The following ST8SIA6 variants were observed in gnomAD, a reference collection of about 807,000 sequenced individuals.
The protein encoded by ST8SIA6 is alpha-2,8-sialyltransferase 8F.
Under a neutral mutation model 33.6 loss-of-function variants are expected in ST8SIA6, and 39 were observed. The observed-to-expected ratio is 1.16, with a 90% confidence interval of 0.90 to 1.52. The LOEUF (loss-of-function observed/expected upper bound fraction) is 1.52. ST8SIA6 is among the 40% of genes most tolerant of loss of function. ST8SIA6 has a pLI of 0.00. For synonymous variants in ST8SIA6, 172 were observed against 167.2 expected (o/e 1.03, Z -0.22); for missense variants, 441 against 443.8 (o/e 0.99, Z 0.06).
intron 2 of ST8SIA6, among the ~76,000 whole-genome samples, chr10:17,420,198 G>T (rs996288919): frequency 7.2e-5 from 11 of 152,192 alleles, no homozygotes; most frequent in Non-Finnish European, 1.5e-4. Context: ...CGGATCACGA[G>T]GTCAGGAGAT....
intron 3 of ST8SIA6, among the ~76,000 whole-genome samples, chr10:17,368,081 A>G (rs1437079011): frequency 6.6e-6 from 1 of 152,040 alleles, no homozygotes; most frequent in Non-Finnish European, 1.5e-5. Flanking sequence ...ATGCATCAGT[A>G]ATAACCAACA....
At chr10:17,432,274 A>C (rs894060541) in intron 2 of ST8SIA6, among the ~76,000 whole-genome samples, 1 of 152,180 alleles carries the variant, frequency 6.6e-6, no homozygotes, top group Non-Finnish European at 1.5e-5. Context: ...TGAACTGAGG[A>C]GTCACTGGAG....
At chr10:17,390,340 C>T (rs925352141) in intron 3 of ST8SIA6, among the ~76,000 whole-genome samples, 191 bp downstream of exon 3, 16 of 152,116 alleles carry the variant, frequency 1.1e-4, no homozygotes, top group African/African-American at 3.4e-4. Flanking sequence ...AGTCCCACTG[C>T]CAGGGTCTGA....
At chr10:17,336,385 G>T (rs1362563981) in intron 4 of ST8SIA6, among the ~76,000 whole-genome samples, 1 of 152,024 alleles carries the variant, frequency 6.6e-6, no homozygotes, top group African/African-American at 2.4e-5. Flanking sequence ...CACTATATTT[G>T]CCTTATTGTG....
chr10:17,382,415 G>A (rs923635173), intron 3 of ST8SIA6, among the ~76,000 whole-genome samples: 6 of 152,062 alleles, frequency 3.9e-5, no homozygotes, highest in Admixed American at 1.3e-4. Context: ...ACAGGTCTCC[G>A]CCACCATTTC....
chr10:17,378,717 T>A (rs1850003002), intron 3 of ST8SIA6, among the ~76,000 whole-genome samples: 2 of 152,152 alleles, frequency 1.3e-5, no homozygotes, highest in Admixed American at 1.3e-4. Context: ...AATCAGTGAC[T>A]TTATCATGAA....
intron 2 of ST8SIA6, among the ~76,000 whole-genome samples, chr10:17,432,377 T>TA (rs1852127662): frequency 1.3e-5 from 2 of 152,258 alleles, no homozygotes; most frequent in South Asian, 4.1e-4. Flanking sequence ...CTGAGGCAAT[T>TA]ACAACAATCC....
At chr10:17,339,114 C>CTT (rs397762102) in intron 4 of ST8SIA6, among the ~76,000 whole-genome samples, 224 of 149,876 alleles carry the variant, frequency 1.5e-3, no homozygotes, top group African/African-American at 4.6e-3. Flanking sequence ...GTAAAAATTC[C>CTT]TTTTTTTTTT....
chr10:17,326,407 A>G (rs1848129863), intron 6 of ST8SIA6, among the ~76,000 whole-genome samples: 1 of 152,214 alleles, frequency 6.6e-6, no homozygotes, highest in African/African-American at 2.4e-5. Context: ...TATTAGTACA[A>G]GGCACACAGA....
intron 4 of ST8SIA6, among the ~76,000 whole-genome samples, chr10:17,346,341 T>TGGA (rs1848832266): frequency 6.6e-6 from 1 of 152,172 alleles, no homozygotes; most frequent in Non-Finnish European, 1.5e-5. Flanking sequence ...GTGTGCTGGC[T>TGGA]CACATCTGTA....
chr10:17,347,191 C>T (rs1041585171), intron 4 of ST8SIA6, among the ~76,000 whole-genome samples: 2 of 152,214 alleles, frequency 1.3e-5, no homozygotes, highest in African/African-American at 2.4e-5. Context: ...TCACTGGGTA[C>T]TATAGCCTAG....
At chr10:17,324,948 ATAAC>A (rs1207841823) in intron 6 of ST8SIA6, among the ~76,000 whole-genome samples, 1 of 145,804 alleles carries the variant, frequency 6.9e-6, no homozygotes, top group Non-Finnish European at 1.5e-5. Context: ...TTATACATAT[ATAAC>A]ACATAATGTG....
At chr10:17,443,946 A>G (rs1002910139) in intron 2 of ST8SIA6, among the ~76,000 whole-genome samples, 1 of 152,180 alleles carries the variant, frequency 6.6e-6, no homozygotes, top group African/African-American at 2.4e-5. Flanking sequence ...TACTGACTCT[A>G]AAAGGAATCG....
At chr10:17,390,493 G>C (rs762206432) in intron 3 of ST8SIA6, 38 bp downstream of exon 3, 2 of 1,514,818 alleles carry the variant, frequency 1.3e-6, no homozygotes, top group Non-Finnish European at 1.8e-6. Flanking sequence ...TAAAACCCTT[G>C]TTGTAAAAGG....
chr10:17,408,844 C>T (rs1851357885), intron 2 of ST8SIA6, among the ~76,000 whole-genome samples: 1 of 151,774 alleles, frequency 6.6e-6, no homozygotes, highest in African/African-American at 2.4e-5. Flanking sequence ...CAACCTCTGC[C>T]TCTCGGGTTC....
chr10:17,350,807 G>A (rs528943467), intron 4 of ST8SIA6, among the ~76,000 whole-genome samples: 6 of 152,192 alleles, frequency 3.9e-5, no homozygotes, highest in Middle Eastern at 3.4e-3. Context: ...GGTAAGATAC[G>A]GCCATTGATA....
At chr10:17,357,487 G>T (rs926833994) in intron 4 of ST8SIA6, among the ~76,000 whole-genome samples, 6 of 152,076 alleles carry the variant, frequency 3.9e-5, no homozygotes, top group African/African-American at 1.4e-4. Flanking sequence ...TTGGCCTTCA[G>T]TTCTTTTGAA....
intron 2 of ST8SIA6, among the ~76,000 whole-genome samples, chr10:17,430,837 C>G (rs1852081250): frequency 1.3e-5 from 2 of 152,148 alleles, no homozygotes; most frequent in Non-Finnish European, 2.9e-5. Flanking sequence ...TGTGGGTTGT[C>G]TATTTGCTCT....
At chr10:17,369,432 T>C (rs1373948053) in intron 3 of ST8SIA6, among the ~76,000 whole-genome samples, 1 of 152,226 alleles carries the variant, frequency 6.6e-6, no homozygotes, top group Non-Finnish European at 1.5e-5. Context: ...TGATCAGATA[T>C]TATGCTTTGT....
Sources: allele counts gnomAD v4.1 joint callset (sites outside exome capture counted in the v4.1 genomes callset), GRCh38; gene constraint gnomAD v4.1.1; transcripts MANE v1.5; gene names NCBI Gene and HGNC (gene_info 2026-07-23, HGNC 2026-07-21).